Variants in RBP4 observed in about 807,000 individuals in gnomAD.
RBP4 encodes the protein retinol-binding protein 4.
A neutral mutation model predicts 26.2 loss-of-function variants in RBP4; 9 were observed. That is an observed-to-expected ratio of 0.34 (90% CI 0.21 to 0.60). The LOEUF is 0.60. Among genes scored for constraint, RBP4 ranks in the 20% least tolerant of loss-of-function variants. RBP4 has a pLI of 0.80. For missense variants in RBP4, 244 were observed against 271.3 expected (o/e 0.90, Z 0.71); for synonymous variants, 114 against 111.0 (o/e 1.03, Z -0.17).
At chr10:93,592,443 G>A (rs962612998) in intron 5 of RBP4, among the ~76,000 whole-genome samples, 2 of 152,154 alleles carry the variant, frequency 1.3e-5, no homozygotes, top group Non-Finnish European at 2.9e-5. Context: ...CAGGAAGTGG[G>A]AGCCAAGGCA....
intron 4 of RBP4, among the ~76,000 whole-genome samples, chr10:93,598,616 A>G (rs1183262578): frequency 1.3e-5 from 2 of 152,250 alleles, no homozygotes. Flanking sequence ...TCCTGATAAA[A>G]TACCAATATA....
At chr10:93,597,644 A>G (rs997816159) in intron 4 of RBP4, among the ~76,000 whole-genome samples, 4 of 152,248 alleles carry the variant, frequency 2.6e-5, no homozygotes, top group African/African-American at 9.6e-5. Flanking sequence ...AGCAAGCCAC[A>G]TCAGTCTGTT....
At chr10:93,595,095 G>T (rs1405702439) in intron 4 of RBP4, among the ~76,000 whole-genome samples, 6 of 152,218 alleles carry the variant, frequency 3.9e-5, no homozygotes, top group African/African-American at 1.4e-4. Flanking sequence ...AGCTAGGTTT[G>T]CACCACTGTA....
Position 93,593,847 on chromosome 10 carries a change from G to A in RBP4, c.544C>T (p.Gln182Ter), listed in dbSNP as rs116887052. Residue 182 changes from glutamine (Q) to a stop codon, truncating the protein, a stop_gained, in exon 5 of 6, where the codon CAG becomes TAG. Transcript: ENST00000371464. LOFTEE classifies it high-confidence loss of function. Reference sequence around the variant, plus strand: ...CCGTTGTGGACGATCAGCCTGTACTGCCTGGCCAGGCACAGCTCCTCCTGC... The same window carrying A: ...CCGTTGTGGACGATCAGCCTGTACTACCTGGCCAGGCACAGCTCCTCCTGC... ...QRQEELCLAR[Q>*]YRLIVHNGYC... is the part of the protein sequence containing the mutation. 6.2e-7 allele frequency: 1 copy of A among 1,612,068 alleles called. No individual in the cohort carries two copies. Among genetic ancestry groups the A allele is most frequent in the Non-Finnish European group, 8.5e-7 (1 of 1,179,908 alleles).
intron 5 of RBP4, among the ~76,000 whole-genome samples, chr10:93,592,941 G>C (rs544020389): frequency 6.6e-6 from 1 of 152,018 alleles, no homozygotes; most frequent in African/African-American, 2.4e-5. Context: ...CCTCAACCTC[G>C]TGAGCAGCTG....
rs2134577094 is a variant in RBP4, at chr10:93,601,222, G to A, written c.-70C>T. On this transcript the variant is annotated 5_prime_UTR_variant, in exon 1 of 6. Transcript: ENST00000371464. ...CTGGCCGCCGAGTCCGGGCGCGCGTGGAGCGAGGGAGGCGAGCGCGCCGCG... is the reference window on the plus strand; with the variant it reads ...CTGGCCGCCGAGTCCGGGCGCGCGTAGAGCGAGGGAGGCGAGCGCGCCGCG... 1.6e-6 allele frequency: 2 copies of A among 1,261,864 alleles called. No individual in the cohort carries two copies. Among genetic ancestry groups the A allele is most frequent in the South Asian group, 6.1e-5 (2 of 32,692 alleles). 78.2% of individuals were successfully genotyped at this position (1,261,864 alleles called of 1,614,324 possible).
rs760990155 is a variant in RBP4 at position 93,600,796 on chromosome 10, C to T, written c.119G>A (p.Gly40Glu). Residue 40 changes from glycine (G) to glutamate (E), a missense_variant, in exon 3 of 6, where the codon GGG becomes GAG. Gly to Glu is a moderately conservative substitution (Grantham distance 98). Coordinates refer to ENST00000371464, the MANE Select transcript of RBP4 (RefSeq NM_006744.4). ...CTTCTTGGCCATGGCGTACCAGGTCCCAGAGAACTGTGAGAAGGATGACAG... is the reference window on the plus strand; with the variant it reads ...CTTCTTGGCCATGGCGTACCAGGTCTCAGAGAACTGTGAGAAGGATGACAG... ...KENFDKARFS[G>E]TWYAMAKKDP... 1 of 1,611,166 alleles carries T rather than the reference C, an allele frequency of 6.2e-7. No individual in the cohort carries two copies. Among genetic ancestry groups the T allele is most frequent in the Non-Finnish European group, 8.5e-7 (1 of 1,178,708 alleles).
intron 5 of RBP4, 105 bp downstream of exon 5, chr10:93,593,718 T>C (rs2058281931): frequency 3.0e-6 from 4 of 1,340,800 alleles, no homozygotes; most frequent in African/African-American, 1.4e-5. Context: ...GAACCCCTGT[T>C]TTCTCTGGGG....
Position 93,592,073 on chromosome 10 carries a change from T to C in RBP4, c.*2A>G. 3 of 1,612,902 alleles carry C rather than the reference T, an allele frequency of 1.9e-6. No homozygotes were observed. The highest frequency in any genetic ancestry group is 2.5e-6 in the Non-Finnish European group (3 of 1,178,840). The stretch of plus-strand genomic sequence containing the variant: ...TCAGATGAAACTAGATTCTTGATAT[T>C]GCTACAAAAGGTTTCTTTCTGATCT... On this transcript the variant is annotated 3_prime_UTR_variant, in exon 6 of 6. Transcript: ENST00000371464.
chr10:93,592,181 C>G, intron 5 of RBP4, 69 bp from the exon 6 acceptor site: 1 of 1,327,938 alleles, frequency 7.5e-7, no homozygotes, highest in African/African-American at 1.4e-5. Context: ...TAATGAACAT[C>G]ATGATGGCCT....
At chr10:93,593,377 G>A (rs928503327) in intron 5 of RBP4, among the ~76,000 whole-genome samples, 3 of 152,158 alleles carry the variant, frequency 2.0e-5, no homozygotes, top group South Asian at 2.1e-4. Context: ...AAGAAGGTGC[G>A]TTGAAATCAT....
chr10:93,592,974 C>A (rs140236831), intron 5 of RBP4, among the ~76,000 whole-genome samples: 1 of 152,056 alleles, frequency 6.6e-6, no homozygotes, highest in African/African-American at 2.4e-5. Flanking sequence ...CATGCCACCA[C>A]GCCTGGCTAA....
At chr10:93,600,287 C>T in intron 4 of RBP4, 106 bp downstream of exon 4, 4 of 1,008,062 alleles carry the variant, frequency 4.0e-6, no homozygotes, top group Admixed American at 1.7e-5. Context: ...CAGACCTTTC[C>T]GCAGGCCATT....
upstream of RBP4, chr10:93,601,307 G>T (rs1303668813): frequency 8.2e-7 from 1 of 1,223,132 alleles, no homozygotes. Context: ...ACCGCGCGGG[G>T]TGAAAGACCG....
At chr10:93,592,859 C>T (rs906858595) in intron 5 of RBP4, among the ~76,000 whole-genome samples, 1 of 151,946 alleles carries the variant, frequency 6.6e-6, no homozygotes, top group African/African-American at 2.4e-5. Flanking sequence ...GCTCTGTTGC[C>T]CAGGCTGGAA....
At chr10:93,601,630 G>A (rs772011650), upstream of RBP4, 1 of 772,090 alleles carries the variant, frequency 1.3e-6, no homozygotes, top group Non-Finnish European at 2.4e-6. Flanking sequence ...TCCCTGGTGC[G>A]TGAGTGCCCA....
upstream of RBP4, chr10:93,601,563 C>G (rs1215612819): frequency 1.5e-6 from 1 of 670,148 alleles, no homozygotes; most frequent in Non-Finnish European, 2.7e-6. Context: ...GCAGGAGGCT[C>G]GAGTCAACCT....
chr10:93,597,319 A>G (rs2058308982), intron 4 of RBP4, among the ~76,000 whole-genome samples: 1 of 152,244 alleles, frequency 6.6e-6, no homozygotes, highest in South Asian at 2.1e-4. Flanking sequence ...ACAGAAGGAC[A>G]CAAGGAGAGT....
At chr10:93,596,786 A>G (rs2058305792) in intron 4 of RBP4, among the ~76,000 whole-genome samples, 1 of 152,142 alleles carries the variant, frequency 6.6e-6, no homozygotes, top group Non-Finnish European at 1.5e-5. Flanking sequence ...TCTGTTGCTC[A>G]CTGCTGTGGG....
Sources: allele counts gnomAD v4.1 joint callset (sites outside exome capture counted in the v4.1 genomes callset), GRCh38; gene constraint gnomAD v4.1.1; transcripts MANE v1.5; gene names NCBI Gene and HGNC (gene_info 2026-07-23, HGNC 2026-07-21).